Variants in CLCA2 observed in about 807,000 individuals in gnomAD.
The protein encoded by CLCA2 is chloride channel accessory 2.
A neutral mutation model predicts 82.9 loss-of-function variants in CLCA2; 85 were observed. The observed-to-expected ratio is 1.03, with a 90% confidence interval of 0.86 to 1.23. The LOEUF (loss-of-function observed/expected upper bound fraction) is 1.23, where lower values mean the gene tolerates loss of function less well. CLCA2 is among the 50% of genes most tolerant of loss of function. CLCA2 has a pLI of 0.00. For synonymous variants in CLCA2, 421 were observed against 391.7 expected (o/e 1.07, Z -0.88); for missense variants, 1,089 against 1,124.8 (o/e 0.97, Z 0.45).
chr1:86,430,604 T>C (rs993303933), intron 3 of CLCA2, among the ~76,000 whole-genome samples: 3 of 152,160 alleles, frequency 2.0e-5, no homozygotes, highest in African/African-American at 7.2e-5. Context: ...TAGCTTCAAA[T>C]AGATGTGCAA....
rs189280691 is a variant in CLCA2 at position 86,443,735 on chromosome 1, G to T, written c.1489-52G>T. On this transcript the variant is annotated intron_variant, in intron 9 of 13. Coordinates refer to ENST00000370565, the MANE Select transcript of CLCA2 (RefSeq NM_006536.7). ...GTTGTTTGTTAAAAAAGAAAAAGATGGAATGATTATGCATACACCAGAAAC... is the reference window on the plus strand; with the variant it reads ...GTTGTTTGTTAAAAAAGAAAAAGATTGAATGATTATGCATACACCAGAAAC... 4 of 1,292,552 alleles carry T rather than the reference G, an allele frequency of 3.1e-6. No homozygotes were observed. The East Asian group carries it at 7.2e-5, about 23-fold the overall frequency. 80.1% of individuals were successfully genotyped at this position (1,292,552 alleles called of 1,614,324 possible).
rs1028195388 is a variant in CLCA2 at position 86,455,567 on chromosome 1, C to A, written c.*40C>A. The A allele has an allele frequency of 7.6e-7, 1 of 1,313,312 alleles. No homozygotes were observed. The highest frequency in any genetic ancestry group is 1.5e-5 in the African/African-American group (1 of 66,842). 81.4% of individuals were successfully genotyped at this position (1,313,312 alleles called of 1,614,324 possible). ...TGTCTTCCTTCTTAGATATAAGACC[C>A]ATGGCCTTCGACTACAAAAACATAC... is the stretch of plus-strand genomic sequence containing the variant. On this transcript the variant is annotated 3_prime_UTR_variant, in exon 14 of 14. Coordinates refer to ENST00000370565, the MANE Select transcript of CLCA2 (RefSeq NM_006536.7).
chr1:86,434,339 T>A (rs1190236903), intron 5 of CLCA2, among the ~76,000 whole-genome samples, 179 bp from the exon 6 acceptor site: 1 of 152,236 alleles, frequency 6.6e-6, no homozygotes, highest in African/African-American at 2.4e-5. Flanking sequence ...CCAGCAAGAA[T>A]GCCAAGGTTT....
At chr1:86,432,854 G>A (rs1043031716) in intron 5 of CLCA2, among the ~76,000 whole-genome samples, 2 of 152,140 alleles carry the variant, frequency 1.3e-5, no homozygotes, top group African/African-American at 4.8e-5. Flanking sequence ...ATAACAAATG[G>A]TTATAATTCT....
At chr1:86,436,904 G>C (rs781561014) in intron 6 of CLCA2, among the ~76,000 whole-genome samples, 1 of 152,012 alleles carries the variant, frequency 6.6e-6, no homozygotes. Context: ...GTAGAGATGG[G>C]GTTTCTCCAT....
Position 86,455,456 on chromosome 1 carries a change from G to A in CLCA2, c.2761G>A (p.Val921Ile), listed in dbSNP as rs1443659081. ...GLIGIICLIIVVTHHTLSRKK... is the reference protein window; with the variant it reads ...GLIGIICLIIIVTHHTLSRKK... ...GATAGGAATCATTTGCCTTATTATA[G>A]TTGTGACACATCATACTTTAAGCAG... The change falls in exon 14 of 14, where the codon GTT becomes ATT. Residue 921 changes from valine to isoleucine, a missense_variant. Physicochemically the swap from Val to Ile is conservative, Grantham distance 29 (BLOSUM62 3). Coordinates refer to ENST00000370565, the MANE Select transcript of CLCA2 (RefSeq NM_006536.7). The A allele has an allele frequency of 6.4e-7, 1 of 1,564,058 alleles. No homozygotes were observed. The highest frequency in any genetic ancestry group is 8.6e-7 in the Non-Finnish European group (1 of 1,159,156).
chr1:86,438,508 T>A (rs956499), intron 6 of CLCA2, among the ~76,000 whole-genome samples: 35,112 of 152,118 alleles, frequency 0.23, 4,749 homozygotes, highest in East Asian at 0.38. Context: ...CTCTTTGCAA[T>A]GTTTTCTTTT....
Position 86,455,750 on chromosome 1 carries a change from T to C in CLCA2, c.*223T>C, listed in dbSNP as rs1345597401. The C allele has an allele frequency of 1.4e-5, 4 of 277,894 alleles. No individual in the cohort carries two copies. The highest frequency in any genetic ancestry group is 6.5e-5 in the African/African-American group (3 of 45,862). The allele number at this position is 277,894 out of a possible 1,614,324, so 17.2% of individuals were successfully genotyped here. A position where few individuals can be genotyped will look rare whatever the true frequency, so the allele number is the denominator to read the frequency against. The stretch of plus-strand genomic sequence containing the variant: ...TGAACAAATAATAAAAATTATTCTT[T>C]AAAGTAATGTCTTTAAAGGCAAAGG... On this transcript the variant is annotated 3_prime_UTR_variant, in exon 14 of 14. Transcript: ENST00000370565.
chr1:86,434,023 A>C (rs902326836), intron 5 of CLCA2, among the ~76,000 whole-genome samples: 33 of 152,110 alleles, frequency 2.2e-4, no homozygotes, highest in African/African-American at 8.0e-4. Flanking sequence ...CAGGAAGTAA[A>C]TTTAAGTTGT....
chr1:86,425,119 C>T (rs1057101261), intron 1 of CLCA2, among the ~76,000 whole-genome samples: 3 of 152,132 alleles, frequency 2.0e-5, no homozygotes, highest in African/African-American at 4.8e-5. Flanking sequence ...TGAAGGCAAG[C>T]ACAGACATAT....
At chr1:86,435,924 T>G (rs1662599328) in intron 6 of CLCA2, among the ~76,000 whole-genome samples, 2 of 64,082 alleles carry the variant, frequency 3.1e-5, no homozygotes, top group South Asian at 1.4e-3. Flanking sequence ...GTTTACATTT[T>G]AAATGGTTAA....
At chr1:86,450,537 T>C in intron 11 of CLCA2, 26 bp from the exon 12 acceptor site, 1 of 1,579,390 alleles carries the variant, frequency 6.3e-7, no homozygotes, top group Non-Finnish European at 8.6e-7. Context: ...TAACAAGTGT[T>C]GACACTGTGT....
intron 7 of CLCA2, 146 bp downstream of exon 7, chr1:86,439,252 G>C: frequency 1.4e-6 from 1 of 712,674 alleles, no homozygotes; most frequent in Non-Finnish European, 2.4e-6. Context: ...TATCTTTCAA[G>C]TCAGGAACCA....
chr1:86,430,740 A>G (rs1264899210), intron 3 of CLCA2, 122 bp from the exon 4 acceptor site: 1 of 742,066 alleles, frequency 1.3e-6, no homozygotes, highest in Non-Finnish European at 2.4e-6. Context: ...GAGGGAAGTA[A>G]CTTAAACTCT....
chr1:86,444,292 C>T (rs527696078), intron 10 of CLCA2, among the ~76,000 whole-genome samples: 1 of 152,250 alleles, frequency 6.6e-6, no homozygotes, highest in South Asian at 2.1e-4. Flanking sequence ...TATTTCTTTA[C>T]ATAATCCATA....
intron 13 of CLCA2, 123 bp downstream of exon 13, chr1:86,453,725 A>C: frequency 1.2e-6 from 1 of 857,778 alleles, no homozygotes; most frequent in Non-Finnish European, 1.8e-6. Context: ...GTTGCTGATC[A>C]GGCTTTAAAT....
intron 11 of CLCA2, chr1:86,448,067 G>T (rs1449873760): frequency 1.4e-5 from 6 of 422,618 alleles, no homozygotes; most frequent in Non-Finnish European, 1.7e-5. Context: ...TCATACAGGA[G>T]CAGGCTTCTA....
At position 86,455,450 on chromosome 1, in the gene CLCA2, A is replaced by G. The variant is rs765854053; in HGVS notation, c.2755A>G (p.Ile919Val). The G allele has an allele frequency of 6.3e-7, 1 of 1,579,156 alleles. No homozygotes were observed. Among genetic ancestry groups the G allele is most frequent in the Non-Finnish European group, 8.6e-7 (1 of 1,166,638 alleles). ...GGGTTTGATAGGAATCATTTGCCTT[A>G]TTATAGTTGTGACACATCATACTTT... ...AMGLIGIICL[I>V]IVVTHHTLSR... Residue 919 changes from isoleucine to valine, a missense_variant, in exon 14 of 14, where the codon ATT (isoleucine) becomes GTT (valine). Transcript: ENST00000370565.
Position 86,455,297 on chromosome 1 carries a change from G to A in CLCA2, c.2602G>A (p.Ala868Thr). The A allele has an allele frequency of 1.2e-6, 2 of 1,614,072 alleles. No individual in the cohort carries two copies. The highest frequency in any genetic ancestry group is 8.5e-7 in the Non-Finnish European group (1 of 1,179,992). The part of the protein sequence containing the change: ...ESHRIYVAIR[A>T]MDRNSLQSAV... ...CCACAGAATTTATGTTGCAATACGA[G>A]CAATGGATAGGAACTCCTTACAGTC... Residue 868 changes from alanine to threonine, a missense_variant, in exon 14 of 14, where the codon GCA becomes ACA. Ala to Thr is a moderately conservative substitution (Grantham distance 58). Coordinates refer to ENST00000370565, the MANE Select transcript of CLCA2 (RefSeq NM_006536.7).
Sources: allele counts gnomAD v4.1 joint callset (sites outside exome capture counted in the v4.1 genomes callset), GRCh38; gene constraint gnomAD v4.1.1; transcripts MANE v1.5; gene names NCBI Gene and HGNC (gene_info 2026-07-23, HGNC 2026-07-21).